Variants in REV3L observed in about 807,000 individuals in gnomAD.
The protein encoded by REV3L is DNA polymerase zeta catalytic subunit.
REV3L carries 69 observed loss-of-function variants against 299.4 expected under a neutral mutation model. That is an observed-to-expected ratio of 0.23 (90% confidence interval 0.19 to 0.28). REV3L has a LOEUF of 0.28. REV3L is among the 10% of genes least tolerant of loss of function. The pLI, the probability that REV3L is intolerant of heterozygous loss-of-function variation, is 1.00. For synonymous variants in REV3L, 1,238 were observed against 1,271.4 expected, an observed-to-expected ratio of 0.97 and a Z score of 0.56; for missense variants, 3,128 against 3,693.8, an observed-to-expected ratio of 0.85 and a Z score of 3.97.
At chr6:111,430,505 G>A (rs561599964) in intron 1 of REV3L, 50 of 1,551,586 alleles carry the variant, frequency 3.2e-5, no homozygotes, top group African/African-American at 3.0e-4. Flanking sequence ...GGTTGCACTC[G>A]GGGATGAAAA....
chr6:111,354,961 T>C (rs1777943231), intron 18 of REV3L, among the ~76,000 whole-genome samples: 1 of 152,080 alleles, frequency 6.6e-6, no homozygotes. Context: ...TGAAAAAGAA[T>C]TCTGAGGTTA....
chr6:111,383,749 GA>G (rs528615306), intron 9 of REV3L, among the ~76,000 whole-genome samples: 7 of 148,006 alleles, frequency 4.7e-5, no homozygotes, highest in African/African-American at 1.2e-4. Context: ...CACAGAAACA[GA>G]AAAAAAAAAT....
intron 1 of REV3L, among the ~76,000 whole-genome samples, chr6:111,418,895 TAAAG>T (rs1785034026): frequency 6.6e-6 from 1 of 152,134 alleles, no homozygotes; most frequent in African/African-American, 2.4e-5. Flanking sequence ...TTAAATGAAT[TAAAG>T]AACCCACAAC....
At chr6:111,388,175 A>C in intron 7 of REV3L, 90 bp from the exon 8 acceptor site, 2 of 817,144 alleles carry the variant, frequency 2.4e-6, no homozygotes, top group Non-Finnish European at 3.9e-6. Flanking sequence ...AAATGGTGGC[A>C]ATTTCCTATC....
rs765471595 is a variant in REV3L at position 111,307,545 on chromosome 6, C to A, written c.9068G>T (p.Arg3023Leu). Residue 3023 changes from arginine to leucine, a missense_variant, in exon 31 of 32, where the codon CGA (arginine) becomes CTA (leucine). Around this residue, in one of 9 missense-constraint regions of REV3L, gnomAD observed 294 missense variants for 377.0 expected, o/e 0.78. Transcript: ENST00000368802. ...PRIHKATSSS[R>L]SEPEGRKGTI... The stretch of plus-strand genomic sequence containing the variant: ...GCCTTTCCGCCCTTCAGGTTCACTT[C>A]GCGAGGAGCTGGTAGCTTTATGGAT... The A allele has an allele frequency of 6.2e-7, 1 of 1,614,046 alleles. No individual in the cohort carries two copies. The highest frequency in any genetic ancestry group is 2.2e-5 in the East Asian group (1 of 44,888).
At chr6:111,311,491 G>T in intron 28 of REV3L, 1 of 331,894 alleles carries the variant, frequency 3.0e-6, no homozygotes, top group Admixed American at 4.7e-5. Flanking sequence ...AAAACCATGT[G>T]GAATGACATG....
At chr6:111,410,215 T>A (rs1403124721) in intron 3 of REV3L, among the ~76,000 whole-genome samples, 1 of 152,046 alleles carries the variant, frequency 6.6e-6, no homozygotes, top group Admixed American at 6.5e-5. Flanking sequence ...GAAAAAATAA[T>A]AAATGAACAA....
At chr6:111,389,036 A>G in intron 7 of REV3L, 70 bp downstream of exon 7, 1 of 1,149,138 alleles carries the variant, frequency 8.7e-7, no homozygotes, top group South Asian at 1.3e-5. Flanking sequence ...CAAAGGAACA[A>G]CTCAATGACA....
At chr6:111,327,298 C>T (rs911724634) in intron 25 of REV3L, among the ~76,000 whole-genome samples, 1 of 152,008 alleles carries the variant, frequency 6.6e-6, no homozygotes, top group Non-Finnish European at 1.5e-5. Flanking sequence ...CAAGCATGGT[C>T]GCTCACACCT....
intron 1 of REV3L, chr6:111,430,440 A>C (rs1786762809): frequency 6.6e-7 from 1 of 1,521,244 alleles, no homozygotes; most frequent in Non-Finnish European, 9.1e-7. Flanking sequence ...AATGTGTACT[A>C]ATGCCATGAT....
intron 13 of REV3L, among the ~76,000 whole-genome samples, chr6:111,369,276 T>A (rs1319196705): frequency 1.9e-5 from 2 of 105,248 alleles, no homozygotes; most frequent in South Asian, 6.8e-4. Context: ...AGCCAGACTC[T>A]GTCTCAAAAA....
At chr6:111,472,019 T>C (rs1189680383) in intron 1 of REV3L, 21 of 1,098,780 alleles carry the variant, frequency 1.9e-5, no homozygotes, top group South Asian at 1.3e-4. Flanking sequence ...TTACTTGAAA[T>C]TGAGAAAAAC....
At chr6:111,453,727 T>C (rs1298763869) in intron 1 of REV3L, among the ~76,000 whole-genome samples, 1 of 152,226 alleles carries the variant, frequency 6.6e-6, no homozygotes, top group Non-Finnish European at 1.5e-5. Context: ...CTCACGTCTA[T>C]AATCCCAGCA....
intron 26 of REV3L, among the ~76,000 whole-genome samples, chr6:111,320,225 C>T (rs546642407): frequency 1.1e-4 from 17 of 152,276 alleles, no homozygotes; most frequent in South Asian, 1.0e-3. Context: ...TGCGCCATCA[C>T]GCCCAGCTAA....
At chr6:111,460,856 C>T (rs1790682851) in intron 1 of REV3L, among the ~76,000 whole-genome samples, 1 of 152,150 alleles carries the variant, frequency 6.6e-6, no homozygotes, top group East Asian at 1.9e-4. Context: ...CATAAGATTA[C>T]GATGAAGCTG....
intron 21 of REV3L, among the ~76,000 whole-genome samples, chr6:111,338,772 TG>T (rs1296599663): frequency 6.6e-6 from 1 of 152,130 alleles, no homozygotes; most frequent in Non-Finnish European, 1.5e-5. Context: ...CTTAAATAAA[TG>T]GATATAATAG....
intron 1 of REV3L, among the ~76,000 whole-genome samples, chr6:111,448,943 AG>A (rs2128314503): frequency 6.6e-6 from 1 of 152,252 alleles, no homozygotes; most frequent in South Asian, 2.1e-4. Context: ...ATGGGATTAC[AG>A]GCGTGAGCCA....
chr6:111,356,109 A>T (rs886589973), intron 18 of REV3L, among the ~76,000 whole-genome samples: 5 of 152,164 alleles, frequency 3.3e-5, no homozygotes, highest in African/African-American at 9.7e-5. Flanking sequence ...TAGAATACTG[A>T]TTTAGTTTTT....
At position 111,367,407 on chromosome 6, in the gene REV3L, A is replaced by AG; in HGVS notation, c.6380dup (p.Trp2128LeufsTer16). On this transcript the variant is annotated frameshift_variant, in exon 14 of 32. Transcript: ENST00000368802. LOFTEE classifies it high-confidence loss of function. ...AATCTGGGGATATTGGTTGTTGCCA[A>AG]GGGGGAATTACTGGAGAATCAGGGG... The AG allele has an allele frequency of 6.2e-7, 1 of 1,611,430 alleles. No individual in the cohort carries two copies.
Sources: allele counts gnomAD v4.1 joint callset (sites outside exome capture counted in the v4.1 genomes callset), GRCh38; gene constraint gnomAD v4.1.1; regional missense constraint gnomAD v4.1.1; transcripts MANE v1.5; gene names NCBI Gene and HGNC (gene_info 2026-07-23, HGNC 2026-07-21).